Variants in PPP2R5E observed in about 807,000 individuals in gnomAD.
PPP2R5E encodes protein phosphatase 2 regulatory subunit B'epsilon, also known as serine/threonine-protein phosphatase 2A 56 kDa regulatory subunit epsilon isoform.
PPP2R5E carries 4 observed loss-of-function variants against 65.3 expected under a neutral mutation model. The observed-to-expected ratio is 0.06, with a 90% CI of 0.03 to 0.14. PPP2R5E has a LOEUF of 0.14. Among genes scored for constraint, PPP2R5E ranks in the 10% least tolerant of loss-of-function variants. The pLI is 1.00. For missense variants in PPP2R5E, 274 were observed against 556.1 expected (o/e 0.49, Z 5.10); for synonymous variants, 183 against 187.4 (o/e 0.98, Z 0.19).
At chr14:63,451,253 A>C (rs1888808684) in intron 3 of PPP2R5E, 1 of 152,262 alleles carries the variant, frequency 6.6e-6, no homozygotes, top group Non-Finnish European at 1.5e-5. Context: ...TCATAAAAAA[A>C]ACTTGTACAC....
intron 2 of PPP2R5E, among the ~76,000 whole-genome samples, chr14:63,520,447 T>C (rs1016700029): frequency 6.6e-6 from 1 of 152,212 alleles, no homozygotes; most frequent in Non-Finnish European, 1.5e-5. Context: ...CTTGCCATTG[T>C]TGGAATTCTA....
At chr14:63,381,711 A>G (rs1884372753) in intron 13 of PPP2R5E, among the ~76,000 whole-genome samples, 1 of 152,220 alleles carries the variant, frequency 6.6e-6, no homozygotes. Context: ...AAATTTTAAC[A>G]GGGTTGAAAA....
At chr14:63,428,664 A>G (rs1022873415) in intron 3 of PPP2R5E, among the ~76,000 whole-genome samples, 1 of 152,210 alleles carries the variant, frequency 6.6e-6, no homozygotes, top group Non-Finnish European at 1.5e-5. Flanking sequence ...AAAAAAAGTC[A>G]AATTCTTGGC....
At chr14:63,497,630 C>T (rs1485377176) in intron 2 of PPP2R5E, among the ~76,000 whole-genome samples, 2 of 152,034 alleles carry the variant, frequency 1.3e-5, no homozygotes, top group African/African-American at 2.4e-5. Context: ...TGCCTGTAAT[C>T]CCAGCTATTC....
In PPP2R5E at chr14:63,421,970, T is replaced by C. The variant is rs1217806332; in HGVS notation, c.456+23A>G. On this transcript the variant is annotated intron_variant, in intron 4 of 13. Coordinates refer to ENST00000337537, the MANE Select transcript of PPP2R5E (RefSeq NM_006246.5). ...AATGAGTTAATGGAGTTTTCTTTTA[T>C]AACAAATGGTATTTCAAAGTACCTG... 8 of 1,557,716 alleles carry C rather than the reference T, an allele frequency of 5.1e-6. No individual in the cohort carries two copies. In the South Asian group the frequency reaches 7.8e-5, roughly 15 times the overall value.
At chr14:63,537,949 C>T (rs1371013987) in intron 2 of PPP2R5E, among the ~76,000 whole-genome samples, 1 of 152,080 alleles carries the variant, frequency 6.6e-6, no homozygotes, top group African/African-American at 2.4e-5. Context: ...TTAAAAGGGA[C>T]AAAAAGTAAC....
chr14:63,418,820 T>C (rs1456702096), intron 4 of PPP2R5E, among the ~76,000 whole-genome samples: 3 of 151,816 alleles, frequency 2.0e-5, no homozygotes, highest in African/African-American at 7.3e-5. Flanking sequence ...CCACAATTTG[T>C]TATAATCAGT....
chr14:63,534,820 A>C (rs1049605417), intron 2 of PPP2R5E, among the ~76,000 whole-genome samples: 1 of 151,842 alleles, frequency 6.6e-6, no homozygotes, highest in Admixed American at 6.6e-5. Flanking sequence ...AGGTCTCACT[A>C]TGTTGCGTAG....
intron 2 of PPP2R5E, among the ~76,000 whole-genome samples, chr14:63,524,169 G>C (rs1327862053): frequency 6.6e-6 from 1 of 152,164 alleles, no homozygotes; most frequent in Non-Finnish European, 1.5e-5. Flanking sequence ...AGTGTTCCAG[G>C]CACAAGCAGC....
chr14:63,377,653 T>C (rs1389720723), intron 13 of PPP2R5E, among the ~76,000 whole-genome samples: 1 of 152,188 alleles, frequency 6.6e-6, no homozygotes, highest in African/African-American at 2.4e-5. Context: ...AATATCATGA[T>C]CTAATAGGTA....
rs931547140 is a variant in PPP2R5E at position 63,389,605 on chromosome 14, T to C, written c.1074+7A>G. ...GCTCCCTGGCTCATGTCCTCTTTACTACTAACCTGAAAATGGGGGCTAGAT... is the reference window on the plus strand; with the variant it reads ...GCTCCCTGGCTCATGTCCTCTTTACCACTAACCTGAAAATGGGGGCTAGAT... On this transcript the variant is annotated splice_region_variant and intron_variant, in intron 11 of 13. Coordinates refer to ENST00000337537, the MANE Select transcript of PPP2R5E (RefSeq NM_006246.5). 6.2e-7 allele frequency: 1 copy of C among 1,602,976 alleles called. No homozygotes were observed. The highest frequency in any genetic ancestry group is 8.5e-7 in the Non-Finnish European group (1 of 1,177,372).
intron 8 of PPP2R5E, 23 bp from the exon 9 acceptor site, chr14:63,392,048 G>A (rs765201624): frequency 6.4e-7 from 1 of 1,570,662 alleles, no homozygotes; most frequent in Non-Finnish European, 8.6e-7. Flanking sequence ...TAAAATAAAA[G>A]GCAAAATTTT....
chr14:63,485,517 C>T (rs568236059), intron 2 of PPP2R5E, among the ~76,000 whole-genome samples: 16 of 152,128 alleles, frequency 1.1e-4, no homozygotes, highest in Middle Eastern at 3.4e-3. Flanking sequence ...CAGGTTCAAG[C>T]GATTTTCCTG....
At chr14:63,384,375 T>C in intron 12 of PPP2R5E, 69 bp downstream of exon 12, 1 of 1,543,080 alleles carries the variant, frequency 6.5e-7, no homozygotes, top group Non-Finnish European at 8.9e-7. Context: ...ATCTGGCACA[T>C]AATAAGGCTG....
At chr14:63,529,496 G>A (rs1312637768) in intron 2 of PPP2R5E, among the ~76,000 whole-genome samples, 1 of 151,926 alleles carries the variant, frequency 6.6e-6, no homozygotes, top group Non-Finnish European at 1.5e-5. Flanking sequence ...GAGTAGCTGG[G>A]ACTACAGGCA....
intron 9 of PPP2R5E, 40 bp from the exon 10 acceptor site, chr14:63,391,907 T>G: frequency 6.2e-7 from 1 of 1,609,210 alleles, no homozygotes; most frequent in Non-Finnish European, 8.5e-7. Context: ...ATTTAACTTT[T>G]TCATATATAC....
Position 63,509,267 on chromosome 14 carries a change from CTT to C in PPP2R5E, c.157+30260_157+30261del, listed in dbSNP as rs10553696. ...AGAATTACCTTTATTTTAAAATATC[CTT>C]TTTTTTTTTTTTTTTTTTTTTTTGA... is the stretch of plus-strand genomic sequence containing the variant. On this transcript the variant is annotated intron_variant, in intron 2 of 13. Transcript: ENST00000337537. Among the ~76,000 whole-genome samples the C allele has an allele frequency of 2.7e-3, 294 of 108,046 alleles. 1 individual carries two copies. The highest frequency in any genetic ancestry group is 8.8e-3 in the African/African-American group (230 of 26,050). 70.9% of individuals were successfully genotyped at this position (108,046 alleles called of 152,430 possible).
intron 2 of PPP2R5E, among the ~76,000 whole-genome samples, chr14:63,525,942 C>T (rs1005838138): frequency 1.3e-5 from 2 of 152,248 alleles, no homozygotes; most frequent in African/African-American, 4.8e-5. Flanking sequence ...CTGCAACCTC[C>T]GCCGCATGGG....
At position 63,423,004 on chromosome 14, in the gene PPP2R5E, A is replaced by C. The variant is rs573585085; in HGVS notation, c.355-910T>G. On this transcript the variant is annotated intron_variant, in intron 3 of 13. Transcript: ENST00000337537. The stretch of plus-strand genomic sequence containing the variant: ...ATCCAAATTAAACAATGGTTGTTCA[A>C]AACATGGCCATGAGTTGATAACTGT... Among the ~76,000 whole-genome samples, 16 of 152,364 alleles carry C rather than the reference A, an allele frequency of 1.1e-4. No individual in the cohort carries two copies. The South Asian group carries it at 2.9e-3, about 28-fold the overall frequency.
Sources: allele counts gnomAD v4.1 joint callset (sites outside exome capture counted in the v4.1 genomes callset), GRCh38; gene constraint gnomAD v4.1.1; transcripts MANE v1.5; gene names NCBI Gene and HGNC (gene_info 2026-07-23, HGNC 2026-07-21).